Variants in CACNA1D observed in about 807,000 individuals in gnomAD.
CACNA1D encodes the protein voltage-dependent L-type calcium channel subunit alpha-1D.
A neutral mutation model predicts 257.1 loss-of-function variants in CACNA1D; 55 were observed. The ratio of observed to expected loss-of-function variants is 0.21; its 90% confidence interval spans 0.17 to 0.27. CACNA1D has a LOEUF of 0.27. Ranked by LOEUF, CACNA1D falls within the 10% of genes least tolerant of loss-of-function variation. The pLI is 1.00. For missense variants in CACNA1D, 1,876 were observed against 2,784.0 expected, an observed-to-expected ratio of 0.67 and a Z score of 7.34; for synonymous variants, 980 against 1,014.9, an observed-to-expected ratio of 0.97 and a Z score of 0.65.
intron 3 of CACNA1D, among the ~76,000 whole-genome samples, chr3:53,567,219 C>T (rs563371193): frequency 5.3e-5 from 8 of 152,270 alleles, no homozygotes; most frequent in South Asian, 2.1e-4. Flanking sequence ...AATAATTCAT[C>T]GCTAAAGTTC....
At chr3:53,573,032 C>T (rs1178571691) in intron 3 of CACNA1D, among the ~76,000 whole-genome samples, 1 of 152,166 alleles carries the variant, frequency 6.6e-6, no homozygotes, top group Non-Finnish European at 1.5e-5. Flanking sequence ...ATATTTGTTG[C>T]CACAGAGCTT....
In CACNA1D at chr3:53,539,590, C is replaced by T. The variant is rs183350134; in HGVS notation, c.483+37870C>T. Among the ~76,000 whole-genome samples the T allele has an allele frequency of 1.3e-3, 191 of 152,270 alleles. 1 individual carries two copies. The highest frequency in any genetic ancestry group is 1.9e-3 in the Non-Finnish European group (128 of 68,024). ...GAATTGCTGCTAACCTTGTATCTGT[C>T]TCTGGTTGCACATGTGCATATGTTT... On this transcript the variant is annotated intron_variant, in intron 3 of 47. Coordinates refer to ENST00000350061, the MANE Select transcript of CACNA1D (RefSeq NM_001128840.3).
At chr3:53,653,554 A>G (rs575471717) in intron 4 of CACNA1D, among the ~76,000 whole-genome samples, 2 of 152,324 alleles carry the variant, frequency 1.3e-5, no homozygotes, top group East Asian at 3.9e-4. Context: ...GATGAAAAAT[A>G]TATCCAAAAT....
chr3:53,750,513 G>C (rs998592749), intron 27 of CACNA1D, among the ~76,000 whole-genome samples: 3 of 152,224 alleles, frequency 2.0e-5, no homozygotes, highest in Non-Finnish European at 2.9e-5. Context: ...TGTACCCACT[G>C]GGAAATGTGA....
intron 3 of CACNA1D, among the ~76,000 whole-genome samples, chr3:53,647,387 G>A (rs1019317173): frequency 1.3e-5 from 2 of 152,164 alleles, no homozygotes; most frequent in East Asian, 1.9e-4. Context: ...TACCAGGGAC[G>A]CCTCATTTCA....
chr3:53,732,637 C>A (rs1432111889), intron 18 of CACNA1D, among the ~76,000 whole-genome samples, 178 bp from the exon 19 acceptor site: 1 of 152,092 alleles, frequency 6.6e-6, no homozygotes, highest in Non-Finnish European at 1.5e-5. Context: ...CTTCTCAGCA[C>A]CCCCCACCCC....
At chr3:53,650,981 G>T (rs1202460153) in intron 4 of CACNA1D, 63 bp downstream of exon 4, 8 of 1,396,184 alleles carry the variant, frequency 5.7e-6, no homozygotes, top group East Asian at 2.3e-5. Context: ...GTTGGGGGGG[G>T]TGGTGGTAAC....
intron 3 of CACNA1D, among the ~76,000 whole-genome samples, chr3:53,510,146 A>C (rs13321361): frequency 0.01 from 1,528 of 152,378 alleles, 18 homozygotes; most frequent in African/African-American, 0.033. Context: ...TAATTAAAAC[A>C]ATACAGATAA....
rs893122067 is a variant in CACNA1D, at chr3:53,734,425, T to C, written c.2622-949T>C. On this transcript the variant is annotated intron_variant, in intron 19 of 47. Transcript: ENST00000350061. ...TACAATTTAAATATATGTGTATACA[T>C]ATATTTATGTGTATGTTTTATATAT... 4.6e-5 allele frequency among the ~76,000 whole-genome samples: 7 copies of C among 152,250 alleles called. No individual in the cohort carries two copies. The South Asian group carries it at 1.2e-3, about 27-fold the overall frequency.
rs771451501 is a variant in CACNA1D at position 53,495,790 on chromosome 3, C to T, written c.67+557C>T. Among the ~76,000 whole-genome samples, 1 of 152,226 alleles carries T rather than the reference C, an allele frequency of 6.6e-6. No homozygotes were observed. The highest frequency in any genetic ancestry group is 1.5e-5 in the Non-Finnish European group (1 of 68,034). On this transcript the variant is annotated intron_variant, in intron 1 of 47. Transcript: ENST00000350061. This position sits in a 1 kb window ranked among gnomAD's most constrained non-coding sequence, Gnocchi z 5.1. Reference sequence around the variant, plus strand: ...GGGGTTCGGGTGGAGCGTGCGTTCCCGCTCCCGTCGCCGGCTGTGCACACG... The same window carrying T: ...GGGGTTCGGGTGGAGCGTGCGTTCCTGCTCCCGTCGCCGGCTGTGCACACG...
chr3:53,586,573 A>G (rs1186200004), intron 3 of CACNA1D, among the ~76,000 whole-genome samples: 1 of 152,160 alleles, frequency 6.6e-6, no homozygotes. Context: ...GGGACTGGAG[A>G]TTATCTGCTA....
chr3:53,572,932 C>T (rs566054594), intron 3 of CACNA1D, among the ~76,000 whole-genome samples: 1 of 152,320 alleles, frequency 6.6e-6, no homozygotes, highest in East Asian at 1.9e-4. Flanking sequence ...TGTGTGGTCC[C>T]TGTCTCTCTC....
At chr3:53,653,909 A>C (rs2094123430) in intron 4 of CACNA1D, among the ~76,000 whole-genome samples, 1 of 152,184 alleles carries the variant, frequency 6.6e-6, no homozygotes, top group African/African-American at 2.4e-5. Flanking sequence ...TCAAATTGTT[A>C]AAAACCAAAG....
intron 46 of CACNA1D, 123 bp downstream of exon 46, chr3:53,808,893 T>G: frequency 1.0e-6 from 1 of 977,556 alleles, no homozygotes; most frequent in Non-Finnish European, 1.5e-6. Context: ...TCACCTACAG[T>G]CTAGTTAATC....
At chr3:53,527,160 T>C (rs910937808) in intron 3 of CACNA1D, among the ~76,000 whole-genome samples, 7 of 152,228 alleles carry the variant, frequency 4.6e-5, no homozygotes, top group African/African-American at 1.7e-4. Context: ...GTTTTATAGA[T>C]CAGAAAACTT....
At chr3:53,764,267 C>T (rs2095319809) in intron 30 of CACNA1D, among the ~76,000 whole-genome samples, 1 of 152,214 alleles carries the variant, frequency 6.6e-6, no homozygotes, top group Non-Finnish European at 1.5e-5. Context: ...AACTGGGCTG[C>T]CCTGAGCTCT....
At chr3:53,544,647 C>G (rs2092373316) in intron 3 of CACNA1D, among the ~76,000 whole-genome samples, 1 of 152,192 alleles carries the variant, frequency 6.6e-6, no homozygotes, top group Non-Finnish European at 1.5e-5. Context: ...AGAGCTTCAT[C>G]TCTGAATTAA....
intron 3 of CACNA1D, among the ~76,000 whole-genome samples, chr3:53,570,998 G>A (rs1008679861): frequency 6.6e-6 from 1 of 152,216 alleles, no homozygotes; most frequent in Non-Finnish European, 1.5e-5. Flanking sequence ...GGGAACTAGG[G>A]CAAGTCTGCT....
chr3:53,672,417 C>T (rs1165500103), intron 7 of CACNA1D, among the ~76,000 whole-genome samples: 1 of 152,194 alleles, frequency 6.6e-6, no homozygotes, highest in Non-Finnish European at 1.5e-5. Context: ...TCACAGGTTG[C>T]AGATAATCCA....
Sources: allele counts gnomAD v4.1 joint callset (sites outside exome capture counted in the v4.1 genomes callset), GRCh38; gene constraint gnomAD v4.1.1; non-coding constraint Gnocchi (gnomAD v3.1); transcripts MANE v1.5; gene names NCBI Gene and HGNC (gene_info 2026-07-23, HGNC 2026-07-21).